Variants in PIK3C3 observed in about 807,000 individuals in gnomAD.
PIK3C3 encodes the protein phosphatidylinositol 3-kinase catalytic subunit type 3, also known as PI3-kinase type 3.
PIK3C3 carries 95 observed loss-of-function variants against 126.1 expected under a neutral mutation model. The observed-to-expected ratio is 0.75, with a 90% CI of 0.64 to 0.89. The LOEUF (loss-of-function observed/expected upper bound fraction) is 0.89, where lower values mean the gene tolerates loss of function less well. Ranked by LOEUF, PIK3C3 falls within the 40% of genes least tolerant of loss-of-function variation. The probability of loss-of-function intolerance (pLI) is 0.00; values close to 1 mark genes in which losing one functional copy is unlikely to be tolerated. For synonymous variants in PIK3C3, 374 were observed against 360.0 expected (o/e 1.04, Z -0.44); for missense variants, 829 against 1,063.2 (o/e 0.78, Z 3.06).
At chr18:41,978,254 C>T (rs755644743) in intron 4 of PIK3C3, among the ~76,000 whole-genome samples, 17 of 152,130 alleles carry the variant, frequency 1.1e-4, no homozygotes, top group Non-Finnish European at 1.6e-4. Context: ...CATGCTGGAC[C>T]TCTAGGCTAA....
intron 15 of PIK3C3, among the ~76,000 whole-genome samples, chr18:42,030,644 T>A (rs2144444759): frequency 6.6e-6 from 1 of 152,268 alleles, no homozygotes; most frequent in African/African-American, 2.4e-5. Context: ...ACGGTTCTGT[T>A]GAGTTGACAT....
chr18:42,030,771 G>A (rs543919182), intron 15 of PIK3C3, among the ~76,000 whole-genome samples: 2 of 152,284 alleles, frequency 1.3e-5, no homozygotes, highest in Non-Finnish European at 2.9e-5. Context: ...GTGATTCCCA[G>A]ATGCCCACCA....
intron 13 of PIK3C3, 39 bp from the exon 14 acceptor site, chr18:42,027,404 T>A: frequency 1.7e-6 from 2 of 1,181,826 alleles, no homozygotes; most frequent in Non-Finnish European, 2.5e-6. Context: ...AATCTAAGTT[T>A]CATTTCACAT....
At chr18:41,978,139 G>A (rs1981024604) in intron 4 of PIK3C3, among the ~76,000 whole-genome samples, 1 of 152,058 alleles carries the variant, frequency 6.6e-6, no homozygotes, top group African/African-American at 2.4e-5. Context: ...CTTTTATATA[G>A]AGATGGTGCC....
chr18:42,045,517 A>T (rs549324779), intron 20 of PIK3C3, among the ~76,000 whole-genome samples: 18 of 152,234 alleles, frequency 1.2e-4, no homozygotes, highest in African/African-American at 4.3e-4. Context: ...TCACCTACAC[A>T]TGACCTGTCC....
chr18:42,024,793 A>T (rs576018678), intron 13 of PIK3C3, among the ~76,000 whole-genome samples: 24 of 144,308 alleles, frequency 1.7e-4, no homozygotes, highest in African/African-American at 5.7e-4. Context: ...GCATCAACAT[A>T]TTTTTTTTCT....
intron 22 of PIK3C3, among the ~76,000 whole-genome samples, chr18:42,063,901 C>T (rs1260907574): frequency 1.3e-5 from 2 of 152,152 alleles, no homozygotes; most frequent in Non-Finnish European, 2.9e-5. Context: ...GCTTTCCTTA[C>T]ATCCATCCTG....
chr18:41,956,106 G>A lies in PIK3C3; in HGVS notation c.68+747G>A, dbSNP rs139621312. On this transcript the variant is annotated intron_variant, in intron 1 of 24. Coordinates refer to ENST00000262039, the MANE Select transcript of PIK3C3 (RefSeq NM_002647.4). Reference sequence around the variant, plus strand: ...GTGGTCATGTAGGAGTGTTGTCAAAGCTATCACAAATTATTGACCATAGCA... The same window carrying A: ...GTGGTCATGTAGGAGTGTTGTCAAAACTATCACAAATTATTGACCATAGCA... 9.2e-5 allele frequency among the ~76,000 whole-genome samples: 14 copies of A among 152,232 alleles called. No individual in the cohort carries two copies. The East Asian group carries it at 2.7e-3, about 29-fold the overall frequency.
chr18:42,036,015 A>G (rs562292809), intron 16 of PIK3C3, among the ~76,000 whole-genome samples: 2 of 152,338 alleles, frequency 1.3e-5, no homozygotes, highest in Admixed American at 1.3e-4. Flanking sequence ...TGAATCTCAA[A>G]AAAGAAATCA....
At chr18:42,029,464 T>TAGGAACAAAA in intron 15 of PIK3C3, 23 bp downstream of exon 15, 1 of 1,318,140 alleles carries the variant, frequency 7.6e-7, no homozygotes, top group Non-Finnish European at 1.1e-6. Flanking sequence ...TGTATGCTTT[T>TAGGAACAAAA]GTTCCTAATA....
intron 18 of PIK3C3, 79 bp downstream of exon 18, chr18:42,038,929 GT>G: frequency 2.3e-6 from 2 of 862,808 alleles, no homozygotes; most frequent in Non-Finnish European, 3.7e-6. Context: ...TTTTAAGTAT[GT>G]TAGAGATACA....
At chr18:42,003,108 G>A (rs1486497651) in intron 9 of PIK3C3, among the ~76,000 whole-genome samples, 1 of 152,140 alleles carries the variant, frequency 6.6e-6, no homozygotes. Context: ...TTTAAGCATT[G>A]AACTAGACAA....
intron 4 of PIK3C3, among the ~76,000 whole-genome samples, chr18:41,984,014 C>T (rs1440108789): frequency 1.4e-5 from 2 of 144,110 alleles, no homozygotes; most frequent in Admixed American, 7.0e-5. Flanking sequence ...CCTGTGAATT[C>T]TGTTAAGAAA....
chr18:41,968,919 G>T (rs1323585983), intron 3 of PIK3C3, among the ~76,000 whole-genome samples: 1 of 151,786 alleles, frequency 6.6e-6, no homozygotes, highest in Non-Finnish European at 1.5e-5. Flanking sequence ...CCAGGCTTAA[G>T]CAATCCTCCT....
chr18:41,977,097 A>C (rs983762643), intron 4 of PIK3C3, among the ~76,000 whole-genome samples: 15 of 152,204 alleles, frequency 9.9e-5, no homozygotes, highest in African/African-American at 3.6e-4. Flanking sequence ...GCAGGTCCTC[A>C]AGTATGGCAT....
At chr18:41,968,592 T>C (rs777668324) in intron 3 of PIK3C3, among the ~76,000 whole-genome samples, 3 of 152,200 alleles carry the variant, frequency 2.0e-5, no homozygotes. Context: ...TTAACAGATA[T>C]GGTCTTTGAT....
At chr18:42,015,408 A>G (rs1567984202) in intron 11 of PIK3C3, 68 bp from the exon 12 acceptor site, 7 of 1,207,046 alleles carry the variant, frequency 5.8e-6, no homozygotes, top group Non-Finnish European at 8.6e-6. Context: ...CTGTTCCATA[A>G]AAAATTGTGC....
At chr18:41,966,786 C>T (rs1043344456) in intron 3 of PIK3C3, among the ~76,000 whole-genome samples, 5 of 152,158 alleles carry the variant, frequency 3.3e-5, no homozygotes, top group Non-Finnish European at 7.4e-5. Flanking sequence ...GAATATTCAG[C>T]TCACTCTCAG....
intron 7 of PIK3C3, 145 bp from the exon 8 acceptor site, chr18:41,995,743 AAG>A: frequency 1.6e-6 from 1 of 621,666 alleles, no homozygotes; most frequent in Non-Finnish European, 2.9e-6. Flanking sequence ...ACATATTTTT[AAG>A]ATATGTAGAA....
Sources: gnomAD v4.1 joint callset for allele counts (sites outside exome capture counted in the v4.1 genomes callset) on GRCh38, gnomAD v4.1.1 for gene constraint, MANE v1.5 for transcripts, NCBI Gene and HGNC (gene_info 2026-07-23, HGNC 2026-07-21) for gene names.